The following DIAPH3 variants were observed in gnomAD, a reference collection of about 807,000 sequenced individuals.
The protein encoded by DIAPH3 is diaphanous related formin 3.
DIAPH3 carries 117 observed loss-of-function variants against 144.3 expected under a neutral mutation model. The observed-to-expected ratio is 0.81, with a 90% CI of 0.70 to 0.95. The LOEUF (loss-of-function observed/expected upper bound fraction) is 0.95. Ranked by LOEUF, DIAPH3 falls within the 40% of genes least tolerant of loss-of-function variation. DIAPH3 has a pLI of 0.00. For missense variants in DIAPH3, 1,421 were observed against 1,412.7 expected (o/e 1.01, Z -0.09); for synonymous variants, 519 against 488.9 (o/e 1.06, Z -0.81).
intron 20 of DIAPH3, among the ~76,000 whole-genome samples, chr13:59,891,152 A>G (rs2045768409): frequency 6.6e-6 from 1 of 152,080 alleles, no homozygotes; most frequent in African/African-American, 2.4e-5. Context: ...GAGTACAGAA[A>G]AATGATTCCT....
chr13:59,765,887 G>T (rs1037992523), intron 27 of DIAPH3, among the ~76,000 whole-genome samples: 1 of 152,114 alleles, frequency 6.6e-6, no homozygotes, highest in African/African-American at 2.4e-5. Context: ...TCTTAGAAAA[G>T]ATTTCAGACA....
At chr13:59,805,358 T>C (rs1314342639) in intron 25 of DIAPH3, among the ~76,000 whole-genome samples, 1 of 152,042 alleles carries the variant, frequency 6.6e-6, no homozygotes, top group Non-Finnish European at 1.5e-5. Flanking sequence ...GAAATGGAAT[T>C]AAGAAAAAGT....
intron 27 of DIAPH3, among the ~76,000 whole-genome samples, chr13:59,720,647 T>C (rs543985271): frequency 1.3e-5 from 2 of 152,272 alleles, no homozygotes; most frequent in East Asian, 1.9e-4. Context: ...CTGTAAAATA[T>C]ATCCCCATTC....
rs2139720569 is a variant in DIAPH3, at chr13:59,832,909, T to G, written c.3027+198A>C. The G allele has an allele frequency of 1.3e-5, 7 of 552,694 alleles. No homozygotes were observed. In the South Asian group the frequency reaches 1.5e-4, roughly 12 times the overall value. The allele number at this position is 552,694 out of a possible 1,614,324, so 34.2% of individuals were successfully genotyped here. A position where few individuals can be genotyped will look rare whatever the true frequency, so the allele number is the denominator to read the frequency against. On this transcript the variant is annotated intron_variant, in intron 24 of 27. Transcript: ENST00000400324. Reference sequence around the variant, plus strand: ...CACTTTTTCAATCAAAATGTCTGATTACAGCTTAATGTTGGAAAGGCCAAA... The same window carrying G: ...CACTTTTTCAATCAAAATGTCTGATGACAGCTTAATGTTGGAAAGGCCAAA...
intron 27 of DIAPH3, among the ~76,000 whole-genome samples, chr13:59,744,953 C>A (rs2036631883): frequency 6.6e-6 from 1 of 152,070 alleles, no homozygotes; most frequent in African/African-American, 2.4e-5. Context: ...ATGCTCTCAC[C>A]CTGGCCTCAC....
intron 21 of DIAPH3, among the ~76,000 whole-genome samples, chr13:59,862,597 G>A (rs2043663645): frequency 1.3e-5 from 2 of 152,172 alleles, no homozygotes; most frequent in Admixed American, 6.6e-5. Context: ...TTTGTGTGAG[G>A]TGGCCAAAGA....
intron 24 of DIAPH3, among the ~76,000 whole-genome samples, chr13:59,817,867 TC>T (rs2040860245): frequency 6.6e-6 from 1 of 151,980 alleles, no homozygotes. Context: ...TCTCCCTTTC[TC>T]CCTTGACTAA....
chr13:59,952,991 G>A (rs894841678), intron 17 of DIAPH3, among the ~76,000 whole-genome samples: 9 of 152,210 alleles, frequency 5.9e-5, no homozygotes, highest in East Asian at 1.9e-4. Context: ...ACAACATACC[G>A]AATATATAAG....
intron 24 of DIAPH3, among the ~76,000 whole-genome samples, chr13:59,811,534 C>A (rs185646276): frequency 3.3e-4 from 50 of 151,952 alleles, no homozygotes; most frequent in African/African-American, 1.0e-3. Context: ...GTCAGTAGAT[C>A]GAGACCATCC....
intron 22 of DIAPH3, among the ~76,000 whole-genome samples, chr13:59,846,886 G>T (rs540211723): frequency 6.6e-6 from 1 of 152,186 alleles, no homozygotes; most frequent in Admixed American, 6.5e-5. Flanking sequence ...GACCAGACTG[G>T]GCAACACAGT....
chr13:59,745,319 G>A (rs2036648128), intron 27 of DIAPH3, among the ~76,000 whole-genome samples: 1 of 152,170 alleles, frequency 6.6e-6, no homozygotes, highest in African/African-American at 2.4e-5. Flanking sequence ...TTTAAAAACA[G>A]AATACCAAAG....
chr13:59,941,643 A>G (rs1373206228), intron 17 of DIAPH3, among the ~76,000 whole-genome samples: 1 of 152,128 alleles, frequency 6.6e-6, no homozygotes, highest in Non-Finnish European at 1.5e-5. Flanking sequence ...CTTGCTTTGT[A>G]AGTGGTTAAT....
chr13:59,928,968 G>A (rs957915151), intron 17 of DIAPH3, among the ~76,000 whole-genome samples: 19 of 152,106 alleles, frequency 1.2e-4, no homozygotes, highest in Admixed American at 3.3e-4. Context: ...ACAAAATTGG[G>A]AACTTGATAA....
chr13:59,826,764 C>T (rs1235993095), intron 24 of DIAPH3, among the ~76,000 whole-genome samples: 1 of 152,060 alleles, frequency 6.6e-6, no homozygotes, highest in East Asian at 1.9e-4. Flanking sequence ...AGGCATCACG[C>T]TACCTGACTT....
chr13:59,777,494 G>A (rs969927639), intron 25 of DIAPH3, among the ~76,000 whole-genome samples: 30 of 152,276 alleles, frequency 2.0e-4, no homozygotes, highest in African/African-American at 7.2e-4. Flanking sequence ...TCAGGCAGGA[G>A]TCATCAACGG....
At chr13:59,682,781 A>G (rs1667848041) in intron 27 of DIAPH3, among the ~76,000 whole-genome samples, 1 of 152,144 alleles carries the variant, frequency 6.6e-6, no homozygotes, top group South Asian at 2.1e-4. Flanking sequence ...GATTTTCCAA[A>G]ACATAGCGAT....
At position 59,666,613 on chromosome 13, in the gene DIAPH3, C is replaced by A; in HGVS notation, c.3553G>T (p.Ala1185Ser). ...SKNESVPEVE[A>S]LLARLRAL is the part of the protein sequence containing the mutation. Reference sequence around the variant, plus strand: ...AAAGCTCGTAATCTTGCCAGCAGGGCTTCAACTTCGGGAACTGATTCATTT... The same window carrying A: ...AAAGCTCGTAATCTTGCCAGCAGGGATTCAACTTCGGGAACTGATTCATTT... The change falls in exon 28 of 28, where the codon GCC (alanine) becomes TCC (serine). Residue 1185 changes from alanine to serine, a missense_variant. Transcript: ENST00000400324. 1.2e-6 allele frequency: 2 copies of A among 1,614,056 alleles called. No homozygotes were observed. The highest frequency in any genetic ancestry group is 2.2e-5 in the South Asian group (2 of 91,074).
intron 3 of DIAPH3, among the ~76,000 whole-genome samples, chr13:60,106,128 G>A (rs759372932): frequency 1.5e-4 from 23 of 151,912 alleles, no homozygotes; most frequent in East Asian, 5.8e-4. Flanking sequence ...GATTTTTATC[G>A]GTTCACCTGA....
chr13:59,988,443 A>G (rs1483281189), intron 12 of DIAPH3, among the ~76,000 whole-genome samples: 1 of 151,906 alleles, frequency 6.6e-6, no homozygotes, highest in Non-Finnish European at 1.5e-5. Flanking sequence ...CTTTTTAAGA[A>G]ATCATAATTT....
Sources: gnomAD v4.1 joint callset for allele counts (sites outside exome capture counted in the v4.1 genomes callset) on GRCh38, gnomAD v4.1.1 for gene constraint, MANE v1.5 for transcripts, NCBI Gene and HGNC (gene_info 2026-07-23, HGNC 2026-07-21) for gene names.